FUT6: variants seen among roughly 807,000 people sequenced by gnomAD.
FUT6 encodes the protein fucosyltransferase 6.
For missense variants in FUT6, 454 were observed against 494.6 expected (o/e 0.92, Z 0.78); for synonymous variants, 187 against 209.9 (o/e 0.89, Z 0.94).
In FUT6 at chr19:5,831,337, G is replaced by A. The variant is rs1397730812; in HGVS notation, c.*151C>T. The A allele has an allele frequency of 6.3e-7, 1 of 1,584,662 alleles. No individual in the cohort carries two copies. Among genetic ancestry groups the A allele is most frequent in the Non-Finnish European group, 8.6e-7 (1 of 1,160,994 alleles). ...ACCCAGGTAGGTGAATCCCCAGGCA[G>A]GTGAAGCTGCAACAGGTGACCGTCC... On this transcript the variant is annotated 3_prime_UTR_variant, in exon 3 of 3. Coordinates refer to ENST00000318336, the MANE Select transcript of FUT6 (RefSeq NM_000150.4). The surrounding 1 kb of genome is among the most constrained non-coding windows in gnomAD (Gnocchi z 7.0).
intron 1 of FUT6, chr19:5,837,768 A>AAAAATAAAAT (rs78324382): frequency 3.3e-5 from 5 of 151,822 alleles, no homozygotes; most frequent in Non-Finnish European, 5.9e-5. Flanking sequence ...TCTGTCTCAA[A>AAAAATAAAAT]AAAATAAAAT....
At chr19:5,835,215 C>T (rs1306557505) in intron 1 of FUT6, 138 bp from the exon 2 acceptor site, 1 of 152,282 alleles carries the variant, frequency 6.6e-6, no homozygotes, top group Non-Finnish European at 1.5e-5. Flanking sequence ...CATAGGGTGT[C>T]ACAGAGTCCT....
chr19:5,836,467 C>T (rs549713525), intron 1 of FUT6, among the ~76,000 whole-genome samples: 8 of 152,292 alleles, frequency 5.3e-5, no homozygotes, highest in East Asian at 3.9e-4. Flanking sequence ...CTGCCTGCCT[C>T]GGCCTCCCAA....
chr19:5,835,482 C>T (rs1257343441), intron 1 of FUT6, among the ~76,000 whole-genome samples: 1 of 152,176 alleles, frequency 6.6e-6, no homozygotes, highest in African/African-American at 2.4e-5. Context: ...CCTTGTCCCA[C>T]AGAACTTTCT....
At chr19:5,836,216 C>CTTTTCTTTTCTTTTCTTTTCTTTTG (rs139999431) in intron 1 of FUT6, among the ~76,000 whole-genome samples, 1 of 150,624 alleles carries the variant, frequency 6.6e-6, no homozygotes, top group Non-Finnish European at 1.5e-5. Flanking sequence ...ATTTTCTTTT[C>CTTTTCTTTTCTTTTCTTTTCTTTTG]TTTTCTTTTC....
chr19:5,832,142 G>A lies in FUT6; in HGVS notation c.426C>T (p.Cys142=). 6.2e-7 allele frequency: 1 copy of A among 1,613,970 alleles called. No homozygotes were observed. Residue 142 remains cysteine (C), a synonymous_variant, in exon 3 of 3, where the codon TGC becomes TGT. Coordinates refer to ENST00000318336, the MANE Select transcript of FUT6 (RefSeq NM_000150.4). The surrounding 1 kb of genome is among the most constrained non-coding windows in gnomAD (Gnocchi z 4.3). ...ATCCGTCCATGGCTTTCAGCTGCCA[G>A]CAGTGGCTTGGGGACTCCATGCTGA... ...IWFSMESPSH[C]WQLKAMDGYF...
chr19:5,835,451 G>A (rs959075990), intron 1 of FUT6, among the ~76,000 whole-genome samples: 1 of 152,278 alleles, frequency 6.6e-6, no homozygotes, highest in Non-Finnish European at 1.5e-5. Flanking sequence ...TTTGCAGATG[G>A]AGCTGACATC....
Position 5,831,388 on chromosome 19 carries a change from G to A in FUT6, c.*100C>T. The stretch of plus-strand genomic sequence containing the variant: ...CAGGCAGGTGAGTCCTCAGGCAGGT[G>A]AAGCTTCAGGCAAACGAGTCCTTAG... On this transcript the variant is annotated 3_prime_UTR_variant, in exon 3 of 3. Transcript: ENST00000318336. The surrounding 1 kb of genome is among the most constrained non-coding windows in gnomAD (Gnocchi z 7.0). 1.2e-6 allele frequency: 2 copies of A among 1,612,034 alleles called. No homozygotes were observed. The highest frequency in any genetic ancestry group is 1.7e-6 in the Non-Finnish European group (2 of 1,179,940).
chr19:5,833,987 C>T (rs80053250), intron 2 of FUT6, among the ~76,000 whole-genome samples: 6,431 of 152,044 alleles, frequency 0.042, 449 homozygotes, highest in African/African-American at 0.15. Context: ...CAACAATTAG[C>T]TGGGCATGGT....
At position 5,830,436 on chromosome 19, in the gene FUT6, C is replaced by CT. The variant is rs952369564; in HGVS notation, c.*1051dup. On this transcript the variant is annotated 3_prime_UTR_variant, in exon 3 of 3. Transcript: ENST00000318336. ...CACACTCAGAAAGGGACACTCCCCC[C>CT]TTTTTTTTTTTTTCTTGAGACAGTC... is the stretch of plus-strand genomic sequence containing the variant. Among the ~76,000 whole-genome samples the CT allele has an allele frequency of 1.3e-4, 20 of 148,198 alleles. No homozygotes were observed. Among genetic ancestry groups the CT allele is most frequent in the Middle Eastern group, 3.5e-3 (1 of 286 alleles).
At chr19:5,837,308 G>T (rs1489735570) in intron 1 of FUT6, among the ~76,000 whole-genome samples, 1 of 151,588 alleles carries the variant, frequency 6.6e-6, no homozygotes, top group East Asian at 1.9e-4. Context: ...AAAGTGCTGG[G>T]GTTACAGGCA....
intron 1 of FUT6, chr19:5,837,935 C>G (rs1410817349): frequency 6.6e-6 from 1 of 152,168 alleles, no homozygotes; most frequent in Non-Finnish European, 1.5e-5. Context: ...TCGAGGGACA[C>G]TCAGAGCCCG....
chr19:5,832,749 G>A lies in FUT6; in HGVS notation c.-12-170C>T. 1.6e-6 allele frequency: 1 copy of A among 629,810 alleles called. No individual in the cohort carries two copies. The highest frequency in any genetic ancestry group is 2.8e-6 in the Non-Finnish European group (1 of 356,970). The allele number at this position is 629,810 out of a possible 1,614,324, so 39.0% of individuals were successfully genotyped here. On this transcript the variant is annotated intron_variant, in intron 2 of 2. Transcript: ENST00000318336. The surrounding 1 kb of genome is among the most constrained non-coding windows in gnomAD (Gnocchi z 4.3). ...CAGCACAGCTGGTGTTTGAACAAAG[G>A]GAGCTTGGCCCAGAGTCCACTTCCT... is the stretch of plus-strand genomic sequence containing the variant.
chr19:5,839,234 T>C lies in FUT6; in HGVS notation c.-698A>G, dbSNP rs1012117005. The C allele has an allele frequency of 6.6e-6, 1 of 152,102 alleles. No individual in the cohort carries two copies. The highest frequency in any genetic ancestry group is 2.4e-5 in the African/African-American group (1 of 41,406). 9.4% of individuals were successfully genotyped at this position (152,102 alleles called of 1,614,324 possible). On this transcript the variant is annotated 5_prime_UTR_variant, in exon 1 of 3. Coordinates refer to ENST00000318336, the MANE Select transcript of FUT6 (RefSeq NM_000150.4). Reference sequence around the variant, plus strand: ...GAAACCGGTGGGCAAGTCAGGCAACTCATGAACCTTGGAAGGGAACTTTCT... The same window carrying C: ...GAAACCGGTGGGCAAGTCAGGCAACCCATGAACCTTGGAAGGGAACTTTCT...
In FUT6 at chr19:5,831,918, T is replaced by C. The variant is rs528111791; in HGVS notation, c.650A>G (p.Lys217Arg). Reference sequence around the variant, plus strand: ...GTGGGAGCGTCCGTACACGTCCACCTTGAGATGGGCCTGCAGGCTCTGGTA... The same window carrying C: ...GTGGGAGCGTCCGTACACGTCCACCCTGAGATGGGCCTGCAGGCTCTGGTA... ...RYYQSLQAHL[K>R]VDVYGRSHKP... Residue 217 changes from lysine (K) to arginine (R), a missense_variant, in exon 3 of 3, where the codon AAG becomes AGG. Transcript: ENST00000318336. This position sits in a 1 kb window ranked among gnomAD's most constrained non-coding sequence, Gnocchi z 7.0. 6.2e-7 allele frequency: 1 copy of C among 1,613,916 alleles called. No homozygotes were observed. Among genetic ancestry groups the C allele is most frequent in the Non-Finnish European group, 8.5e-7 (1 of 1,179,840 alleles).
rs780893820 is a variant in FUT6 at position 5,832,336 on chromosome 19, G to A, written c.232C>T (p.Pro78Ser). 2 of 1,614,052 alleles carry A rather than the reference G, an allele frequency of 1.2e-6. No individual in the cohort carries two copies. The highest frequency in any genetic ancestry group is 1.7e-6 in the Non-Finnish European group (2 of 1,180,024). The change falls in exon 3 of 3, where the codon CCC becomes TCC. Residue 78 changes from proline (P) to serine (S), a missense_variant. Coordinates refer to ENST00000318336, the MANE Select transcript of FUT6 (RefSeq NM_000150.4). The surrounding 1 kb of genome is among the most constrained non-coding windows in gnomAD (Gnocchi z 4.3). ...CCAGGCACCATCTCTGAGCAGCGGG[G>A]CAGAGCTATGGGTTTGTTAAAAGGC... Reference protein sequence around the residue: ...TWPFNKPIALPRCSEMVPGTA... With the variant: ...TWPFNKPIALSRCSEMVPGTA...
chr19:5,838,101 A>G (rs2057206128), intron 1 of FUT6: 7 of 152,112 alleles, frequency 4.6e-5, no homozygotes, highest in Admixed American at 4.6e-4. Flanking sequence ...GAGACAGTGA[A>G]GTCTTTGCCG....
At position 5,830,923 on chromosome 19, in the gene FUT6, C is replaced by T. The variant is rs1040058442; in HGVS notation, c.*565G>A. 3.9e-5 allele frequency: 11 copies of T among 280,440 alleles called. No homozygotes were observed. Among genetic ancestry groups the T allele is most frequent in the African/African-American group, 2.4e-4 (11 of 45,932 alleles). The allele number at this position is 280,440 out of a possible 1,614,324, so 17.4% of individuals were successfully genotyped here. A position where few individuals can be genotyped will look rare whatever the true frequency, so the allele number is the denominator to read the frequency against. ...CCGGCCTCATCATCGGTTTTCTTTG[C>T]AGTATTACATCTGGAAACGGTGCGG... On this transcript the variant is annotated 3_prime_UTR_variant, in exon 3 of 3. Transcript: ENST00000318336.
intron 2 of FUT6, among the ~76,000 whole-genome samples, chr19:5,833,364 C>T (rs1453188116): frequency 6.6e-6 from 1 of 151,426 alleles, no homozygotes; most frequent in Non-Finnish European, 1.5e-5. Flanking sequence ...TGGCGTGTGC[C>T]TGTAATCCCA....
Sources: gnomAD v4.1 joint callset for allele counts (sites outside exome capture counted in the v4.1 genomes callset) on GRCh38, gnomAD v4.1.1 for gene constraint, Gnocchi (gnomAD v3.1) non-coding constraint, MANE v1.5 for transcripts, NCBI Gene and HGNC (gene_info 2026-07-23, HGNC 2026-07-21) for gene names.